The following ZNF37A variants were observed in gnomAD, a reference collection of about 807,000 sequenced individuals.
The protein encoded by ZNF37A is zinc finger protein 37A.
A neutral mutation model predicts 12.3 loss-of-function variants in ZNF37A; 10 were observed. That is an observed-to-expected ratio of 0.82 (90% CI 0.50 to 1.38). The LOEUF is 1.38. ZNF37A is among the 40% of genes most tolerant of loss of function. The pLI is 0.00. For missense variants in ZNF37A, 580 were observed against 651.2 expected (o/e 0.89, Z 1.19); for synonymous variants, 207 against 223.0 (o/e 0.93, Z 0.64).
chr10:38,131,637 T>G (rs1313433717), intron 7 of ZNF37A, among the ~76,000 whole-genome samples: 1 of 152,130 alleles, frequency 6.6e-6, no homozygotes, highest in African/African-American at 2.4e-5. Flanking sequence ...TGAAGATTGT[T>G]TTTGCTATTT....
intron 5 of ZNF37A, among the ~76,000 whole-genome samples, chr10:38,103,613 A>G (rs2067779393): frequency 6.6e-6 from 1 of 152,094 alleles, no homozygotes; most frequent in Admixed American, 6.6e-5. Context: ...ATGCCTCATA[A>G]TTTTTTATTG....
chr10:38,097,950 G>A (rs1290400410), intron 5 of ZNF37A, among the ~76,000 whole-genome samples: 2 of 152,282 alleles, frequency 1.3e-5, no homozygotes, highest in East Asian at 3.9e-4. Context: ...AAGCAGTGTT[G>A]TAACTTAATA....
At chr10:38,138,496 T>G (rs2070140006) in intron 7 of ZNF37A, 1 of 152,224 alleles carries the variant, frequency 6.6e-6, no homozygotes, top group African/African-American at 2.4e-5. Flanking sequence ...ATAAAGCCCC[T>G]AGAAAATCGG....
rs180882842 is a variant in ZNF37A, at chr10:38,123,735, G to T, written c.*4898G>T. 40 of 152,224 alleles carry T rather than the reference G, an allele frequency of 2.6e-4. No homozygotes were observed. The East Asian group carries it at 4.1e-3, about 15-fold the overall frequency. 9.4% of individuals were successfully genotyped at this position (152,224 alleles called of 1,614,324 possible). ...CAAATGGCAAACAGGCATATGAAAA[G>T]GTACTCAACATCATTGATCCATTAG... On this transcript the variant is annotated 3_prime_UTR_variant, in exon 8 of 8. Transcript: ENST00000685332.
downstream of ZNF37A, among the ~76,000 whole-genome samples, chr10:38,130,121 A>C (rs181973773): frequency 8.7e-4 from 132 of 152,286 alleles, 1 homozygote; most frequent in Middle Eastern, 0.024. Flanking sequence ...TGTAGGGAGA[A>C]TCATGAGATA....
Position 38,096,555 on chromosome 10 carries a change from A to T in ZNF37A, c.-44-19A>T, listed in dbSNP as rs1437727421. On this transcript the variant is annotated intron_variant, in intron 4 of 7. Coordinates refer to ENST00000685332, the MANE Select transcript of ZNF37A (RefSeq NM_001324250.3). Reference sequence around the variant, plus strand: ...TTTAAGGCAAGTGACATCACTCATGATCTTTTCTTATTTCTCAGCTACACC... The same window carrying T: ...TTTAAGGCAAGTGACATCACTCATGTTCTTTTCTTATTTCTCAGCTACACC... The T allele has an allele frequency of 3.2e-6, 5 of 1,579,142 alleles. No individual in the cohort carries two copies. The African/African-American group carries it at 6.8e-5, about 22-fold the overall frequency.
rs2069602885 is a variant in ZNF37A at position 38,120,089 on chromosome 10, T to A, written c.*1252T>A. ...ACATGTCTTTCATAGGTGATACAAC[T>A]TTTTAAAATGTATGTGTAGATATAA... is the stretch of plus-strand genomic sequence containing the variant. On this transcript the variant is annotated 3_prime_UTR_variant, in exon 8 of 8. Coordinates refer to ENST00000685332, the MANE Select transcript of ZNF37A (RefSeq NM_001324250.3). 1 of 152,214 alleles carries A rather than the reference T, an allele frequency of 6.6e-6. No individual in the cohort carries two copies. The highest frequency in any genetic ancestry group is 2.1e-4 in the South Asian group (1 of 4,828). The allele number at this position is 152,214 out of a possible 1,614,324, so 9.4% of individuals were successfully genotyped here. A position where few individuals can be genotyped will look rare whatever the true frequency, so the allele number is the denominator to read the frequency against.
At position 38,094,394 on chromosome 10, in the gene ZNF37A, C is replaced by A. The variant is rs569872379; in HGVS notation, c.-588C>A. 1 of 152,230 alleles carries A rather than the reference C, an allele frequency of 6.6e-6. No individual in the cohort carries two copies. Among genetic ancestry groups the A allele is most frequent in the Non-Finnish European group, 1.5e-5 (1 of 68,084 alleles). The allele number at this position is 152,230 out of a possible 1,614,324, so 9.4% of individuals were successfully genotyped here. On this transcript the variant is annotated 5_prime_UTR_variant, in exon 1 of 8. Transcript: ENST00000685332. ...CGGGAGCCGCTTCGGGCCTTCTGGG[C>A]ATGTCTGCCATATGGCTCCAGGTTT...
chr10:38,135,289 G>T (rs376616626), intron 7 of ZNF37A, among the ~76,000 whole-genome samples: 92 of 152,346 alleles, frequency 6.0e-4, no homozygotes, highest in Non-Finnish European at 1.0e-3. Context: ...GGAGGCTGAG[G>T]CAGGAGAATC....
chr10:38,130,876 T>C (rs1590941275), intron 7 of ZNF37A, among the ~76,000 whole-genome samples: 1 of 152,298 alleles, frequency 6.6e-6, no homozygotes, highest in Admixed American at 6.5e-5. Flanking sequence ...TTTTCCATTT[T>C]TCGTTAGCAT....
At chr10:38,136,028 A>G (rs1367054964) in intron 7 of ZNF37A, among the ~76,000 whole-genome samples, 1 of 152,248 alleles carries the variant, frequency 6.6e-6, no homozygotes, top group African/African-American at 2.4e-5. Context: ...AGGTCTATGG[A>G]AAAATGAACC....
Position 38,137,166 on chromosome 10 carries a change from T to C in ZNF37A, c.239-9566T>C, listed in dbSNP as rs575839570. 1.2e-4 allele frequency among the ~76,000 whole-genome samples: 18 copies of C among 152,336 alleles called. No individual in the cohort carries two copies. The South Asian group carries it at 3.5e-3, about 30-fold the overall frequency. ...TTGGGTTTTGATTTATTTGGCTCCT[T>C]TAAGTGGATTATACTTTCCCCTTTT... On this transcript the variant is annotated intron_variant, in intron 7 of 7. Coordinates refer to the ZNF37A transcript ENST00000638053.
chr10:38,115,128 T>G (rs1379552018), intron 6 of ZNF37A, 67 bp from the exon 7 acceptor site: 1 of 1,394,528 alleles, frequency 7.2e-7, no homozygotes, highest in African/African-American at 1.4e-5. Flanking sequence ...CTGTTTGGGG[T>G]ATACTGTCTT....
intron 5 of ZNF37A, among the ~76,000 whole-genome samples, chr10:38,113,513 GA>G (rs1409207526): frequency 6.6e-6 from 1 of 152,128 alleles, no homozygotes; most frequent in Non-Finnish European, 1.5e-5. Context: ...TCCATGACAT[GA>G]AGACATTCCA....
intron 5 of ZNF37A, among the ~76,000 whole-genome samples, chr10:38,104,437 A>C (rs1412165455): frequency 6.6e-6 from 1 of 151,762 alleles, no homozygotes; most frequent in Non-Finnish European, 1.5e-5. Context: ...GAGAATTCTG[A>C]AAAGCTTGAT....
chr10:38,130,911 G>A (rs760204793), intron 7 of ZNF37A, among the ~76,000 whole-genome samples: 2 of 152,100 alleles, frequency 1.3e-5, no homozygotes, highest in Non-Finnish European at 2.9e-5. Context: ...GTAGAAAGGG[G>A]TATCTAATTG....
Position 38,094,430 on chromosome 10 carries a change from C to T in ZNF37A, c.-552C>T, listed in dbSNP as rs955011829. ...TATGGCTCCAGGTTTGTTTTTCTCC[C>T]CGGCACTCTGACGGGGAGGGCTCCC... is the stretch of plus-strand genomic sequence containing the variant. On this transcript the variant is annotated 5_prime_UTR_variant, in exon 1 of 8. Transcript: ENST00000685332. 2 of 152,200 alleles carry T rather than the reference C, an allele frequency of 1.3e-5. No individual in the cohort carries two copies. The highest frequency in any genetic ancestry group is 4.8e-5 in the African/African-American group (2 of 41,438). The allele number at this position is 152,200 out of a possible 1,614,324, so 9.4% of individuals were successfully genotyped here. A position where few individuals can be genotyped will look rare whatever the true frequency, so the allele number is the denominator to read the frequency against.
At chr10:38,141,049 A>G (rs932661009) in intron 7 of ZNF37A, 2 of 152,222 alleles carry the variant, frequency 1.3e-5, no homozygotes, top group Admixed American at 6.5e-5. Context: ...GCAAGATCCA[A>G]TGAGGGACCC....
At chr10:38,114,302 T>A (rs1157425202) in intron 5 of ZNF37A, among the ~76,000 whole-genome samples, 1 of 152,240 alleles carries the variant, frequency 6.6e-6, no homozygotes, top group East Asian at 1.9e-4. Context: ...GCAAAGGAAC[T>A]AAAGTTTTAT....
Sources: allele counts gnomAD v4.1 joint callset (sites outside exome capture counted in the v4.1 genomes callset), GRCh38; gene constraint gnomAD v4.1.1; transcripts MANE v1.5; gene names NCBI Gene and HGNC (gene_info 2026-07-23, HGNC 2026-07-21).